Variants in H4C15 observed in about 807,000 individuals in gnomAD.
H4C15 encodes the protein histone H4.
At chr1:149,850,098 T>G, downstream of H4C15, 1 of 463,294 alleles carries the variant, frequency 2.2e-6, no homozygotes, top group East Asian at 4.5e-5. Context: ...AGCAGCCCTC[T>G]AAGGCAAGCC....
chr1:149,850,201 C>T (rs782610354), downstream of H4C15: 61 of 732,012 alleles, frequency 8.3e-5, no homozygotes, highest in Non-Finnish European at 1.4e-4. Context: ...GTTATCTGTG[C>T]TTGGTGTTGT....
the H4C15 span, chr1:149,848,814 T>TA: frequency 3.3e-5 from 5 of 152,190 alleles, no homozygotes; most frequent in Non-Finnish European, 2.9e-5. Flanking sequence ...ACTACTAAGT[T>TA]ACACCTCATG....
the H4C15 span, chr1:149,847,898 T>C: frequency 6.6e-6 from 1 of 152,206 alleles, no homozygotes; most frequent in Non-Finnish European, 1.5e-5. Flanking sequence ...CAAGTGGGGC[T>C]ACCAGACACT....
chr1:149,845,526 A>G, the H4C15 span: 3 of 152,236 alleles, frequency 2.0e-5, no homozygotes, highest in African/African-American at 7.2e-5. Context: ...TCAGAACAGA[A>G]CATGGTAAGT....
the H4C15 span, chr1:149,845,085 AAG>A: frequency 6.6e-6 from 1 of 152,264 alleles, no homozygotes; most frequent in African/African-American, 2.4e-5. Context: ...GACTGAGAAT[AAG>A]AGCAGGAAAG....
chr1:149,846,970 TCAATTTTACTCGGTA>T, the H4C15 span: 1 of 152,214 alleles, frequency 6.6e-6, no homozygotes, highest in Admixed American at 6.5e-5. Flanking sequence ...AAGTACAAAA[TCAATTTTACTCGGTA>T]GAAATCAAGG....
downstream of H4C15, among the ~76,000 whole-genome samples, chr1:149,849,907 G>T (rs2092166278): frequency 6.6e-6 from 1 of 152,198 alleles, no homozygotes; most frequent in Non-Finnish European, 1.5e-5. Context: ...ACACATCTGA[G>T]AGCATACAAT....
the H4C15 span, chr1:149,847,162 C>G: frequency 7.9e-5 from 12 of 152,228 alleles, no homozygotes; most frequent in African/African-American, 2.9e-4. Context: ...ACTTGACTTT[C>G]TTGCCTCTCC....
At chr1:149,846,523 ATTTT>A in the H4C15 span, 1 of 152,140 alleles carries the variant, frequency 6.6e-6, no homozygotes, top group Non-Finnish European at 1.5e-5. Flanking sequence ...AGTATTTCCC[ATTTT>A]TTTATTTTGA....
chr1:149,844,703 G>T, the H4C15 span: 8 of 151,330 alleles, frequency 5.3e-5, 1 homozygote, highest in South Asian at 1.7e-3. Flanking sequence ...ATCCCAAATA[G>T]TATCTTCCAG....
At chr1:149,850,031 A>G (rs2092167263), downstream of H4C15, among the ~76,000 whole-genome samples, 1 of 152,258 alleles carries the variant, frequency 6.6e-6, no homozygotes. Context: ...TCTCAACAGG[A>G]AACAATCTCC....
chr1:149,844,604 C>G, the H4C15 span: 1 of 152,004 alleles, frequency 6.6e-6, no homozygotes, highest in Non-Finnish European at 1.5e-5. Flanking sequence ...AGGCATAATA[C>G]AAACTTAGAA....
downstream of H4C15, chr1:149,850,764 G>T: frequency 4.6e-6 from 1 of 217,160 alleles, no homozygotes; most frequent in Non-Finnish European, 8.2e-6. Context: ...AACTTTGCAG[G>T]CTCAGGCATG....
At chr1:149,858,720 G>GC (rs2092192494), downstream of H4C15, among the ~76,000 whole-genome samples, 3 of 84,692 alleles carry the variant, frequency 3.5e-5, no homozygotes, top group Non-Finnish European at 7.2e-5. Context: ...GCTGTTACCT[G>GC]CATCAGTGGC....
At chr1:149,850,205 G>C (rs1553757564), downstream of H4C15, 3 of 742,192 alleles carry the variant, frequency 4.0e-6, no homozygotes, top group African/African-American at 1.7e-5. Flanking sequence ...TCTGTGCTTG[G>C]TGTTGTGTGC....
At chr1:149,850,122 G>A (rs1553757544), downstream of H4C15, 2 of 515,468 alleles carry the variant, frequency 3.9e-6, no homozygotes, top group Admixed American at 6.2e-5. Flanking sequence ...ACCTATCTAT[G>A]CCATAGTAAG....
At chr1:149,850,279 T>G, downstream of H4C15, 1 of 1,355,468 alleles carries the variant, frequency 7.4e-7, no homozygotes, top group Non-Finnish European at 1.0e-6. Flanking sequence ...ACAAGAAAGA[T>G]TCTTTAACTG....
chr1:149,844,818 AAAG>A, the H4C15 span: 1 of 152,118 alleles, frequency 6.6e-6, no homozygotes, highest in Admixed American at 6.5e-5. Context: ...AAAAAAAAAA[AAAG>A]CTTTTCAAAG....
downstream of H4C15, chr1:149,850,187 AAT>A (rs587618194): frequency 4.7e-4 from 324 of 690,306 alleles, 1 homozygote; most frequent in South Asian, 5.1e-3. Flanking sequence ...GTGAAAAGAA[AAT>A]AGTTATCTGT....
Sources: allele counts gnomAD v4.1 joint callset (sites outside exome capture counted in the v4.1 genomes callset), GRCh38; gene constraint gnomAD v4.1.1; transcripts MANE v1.5; gene names NCBI Gene and HGNC (gene_info 2026-07-23, HGNC 2026-07-21).